The following MALT1 variants were observed in gnomAD, a reference collection of about 807,000 sequenced individuals.
MALT1 encodes MALT1 paracaspase.
MALT1 carries 36 observed loss-of-function variants against 85.5 expected under a neutral mutation model. The ratio of observed to expected loss-of-function variants is 0.42; its 90% CI spans 0.32 to 0.56. The LOEUF (loss-of-function observed/expected upper bound fraction) is 0.56, where lower values mean the gene tolerates loss of function less well. Among genes scored for constraint, MALT1 ranks in the 20% least tolerant of loss-of-function variants. The pLI is 0.10. For missense variants in MALT1, 716 were observed against 981.6 expected (o/e 0.73, Z 3.62); for synonymous variants, 359 against 361.3 (o/e 0.99, Z 0.07).
intron 3 of MALT1, among the ~76,000 whole-genome samples, chr18:58,698,780 C>T (rs551386049): frequency 1.3e-5 from 2 of 152,000 alleles, no homozygotes; most frequent in African/African-American, 4.8e-5. Flanking sequence ...GCCCTGTGAG[C>T]ATAATGGATG....
intron 1 of MALT1, among the ~76,000 whole-genome samples, chr18:58,678,702 C>G (rs9960564): frequency 6.6e-6 from 1 of 151,990 alleles, no homozygotes; most frequent in Admixed American, 6.6e-5. Flanking sequence ...TTGTATTTTA[C>G]GAATTGTAAA....
intron 2 of MALT1, among the ~76,000 whole-genome samples, chr18:58,693,983 T>C (rs1400197126): frequency 6.6e-6 from 1 of 152,260 alleles, no homozygotes; most frequent in African/African-American, 2.4e-5. Flanking sequence ...TCCTGGCAGA[T>C]GAATGGTAAA....
Position 58,721,322 on chromosome 18 carries a change from G to A in MALT1, c.1019-1726G>A, listed in dbSNP as rs147456183. ...TGAACCCGGGAGGCAGAAGGTTGCA[G>A]TGAGCTGAGATCATGCCATTGCACT... On this transcript the variant is annotated intron_variant, in intron 9 of 16. Coordinates refer to ENST00000649217, the MANE Select transcript of MALT1 (RefSeq NM_006785.4). 7.6e-3 allele frequency among the ~76,000 whole-genome samples: 1,160 copies of A among 152,324 alleles called. 22 individuals are homozygous for A. Among genetic ancestry groups the A allele is most frequent in the African/African-American group, 0.027 (1,123 of 41,570 alleles).
intron 8 of MALT1, among the ~76,000 whole-genome samples, chr18:58,714,791 GGAACCTGTGGATA>G (rs2144400888): frequency 2.1e-5 from 2 of 96,258 alleles, no homozygotes; most frequent in South Asian, 6.9e-4. Context: ...AGACAATGAT[GGAACCTGTGGATA>G]GATCTGAAAA....
At chr18:58,737,424 G>T (rs1383464674) in intron 13 of MALT1, among the ~76,000 whole-genome samples, 2 of 150,176 alleles carry the variant, frequency 1.3e-5, no homozygotes, top group Non-Finnish European at 2.9e-5. Flanking sequence ...TGAGACTGTA[G>T]TAAGTATGAC....
rs1602285367 is a variant in MALT1, at chr18:58,689,156, A to G, written c.377-7210A>G. Among the ~76,000 whole-genome samples, 4 of 147,774 alleles carry G rather than the reference A, an allele frequency of 2.7e-5. 1 individual carries two copies. Among genetic ancestry groups the G allele is most frequent in the Admixed American group, 6.6e-5 (1 of 15,092 alleles). On this transcript the variant is annotated intron_variant, in intron 2 of 16. Coordinates refer to ENST00000649217, the MANE Select transcript of MALT1 (RefSeq NM_006785.4). Reference sequence around the variant, plus strand: ...GACAGAGTGAGACCCTGTCTCAAAAAAACAAAAAGACAGAATCACTGAGAA... The same window carrying G: ...GACAGAGTGAGACCCTGTCTCAAAAGAACAAAAAGACAGAATCACTGAGAA...
intron 13 of MALT1, among the ~76,000 whole-genome samples, chr18:58,737,887 T>G (rs2055246981): frequency 1.3e-5 from 2 of 152,216 alleles, no homozygotes; most frequent in African/African-American, 2.4e-5. Context: ...CCGGCCCACC[T>G]TACCAATTTC....
chr18:58,716,479 A>G (rs1403811497), intron 9 of MALT1, among the ~76,000 whole-genome samples: 1 of 152,256 alleles, frequency 6.6e-6, no homozygotes, highest in Admixed American at 6.5e-5. Flanking sequence ...AAAGATGGTA[A>G]AAATAGCTAA....
intron 4 of MALT1, among the ~76,000 whole-genome samples, chr18:58,702,376 C>T (rs2054686259): frequency 6.6e-6 from 1 of 151,802 alleles, no homozygotes; most frequent in African/African-American, 2.4e-5. Flanking sequence ...ATAGCAAGAC[C>T]CTATCTCAAA....
intron 10 of MALT1, among the ~76,000 whole-genome samples, chr18:58,731,212 C>CA (rs1323910532): frequency 6.6e-6 from 1 of 152,204 alleles, no homozygotes; most frequent in African/African-American, 2.4e-5. Context: ...CTTGGCCTCC[C>CA]AAAGTGCTGG....
Position 58,750,711 on chromosome 18 carries a change from A to G in MALT1, c.*2869A>G, listed in dbSNP as rs966905446. 1 of 152,200 alleles carries G rather than the reference A, an allele frequency of 6.6e-6. No individual in the cohort carries two copies. The highest frequency in any genetic ancestry group is 6.5e-5 in the Admixed American group (1 of 15,282). 9.4% of individuals were successfully genotyped at this position (152,200 alleles called of 1,614,324 possible). On this transcript the variant is annotated 3_prime_UTR_variant, in exon 17 of 17. Transcript: ENST00000649217. The stretch of plus-strand genomic sequence containing the variant: ...ACAGCAAAAGGATCCCTACCTTCCT[A>G]CCACATTACAAATTCTAACTCAAAA...
intron 10 of MALT1, among the ~76,000 whole-genome samples, chr18:58,730,217 A>G (rs1277288909): frequency 6.6e-6 from 1 of 152,218 alleles, no homozygotes. Flanking sequence ...TGATTTCAGT[A>G]TCTTCACAAA....
intron 4 of MALT1, among the ~76,000 whole-genome samples, chr18:58,706,048 C>T (rs954296799): frequency 9.9e-5 from 15 of 151,892 alleles, no homozygotes; most frequent in Admixed American, 6.6e-5. Context: ...TGCAGTGGCA[C>T]GATCTCGGCT....
chr18:58,748,067 A>G lies in MALT1; in HGVS notation c.*225A>G, dbSNP rs913003202. The G allele has an allele frequency of 9.6e-6, 5 of 521,172 alleles. No homozygotes were observed. The Admixed American group carries it at 1.0e-4, about 11-fold the overall frequency. 32.3% of individuals were successfully genotyped at this position (521,172 alleles called of 1,614,324 possible). A position where few individuals can be genotyped will look rare whatever the true frequency, so the allele number is the denominator to read the frequency against. On this transcript the variant is annotated 3_prime_UTR_variant, in exon 17 of 17. Transcript: ENST00000649217. ...GAATTGGTTGAATAGTTCTATACAA[A>G]TGAAGTATGGAGGTGTGTATGTTTA...
rs1411051064 is a variant in MALT1, at chr18:58,751,412, G to C, written c.*3570G>C. Reference sequence around the variant, plus strand: ...GTATATTTGATTTTTTTTTTTTTAAGACAGAGTCCTGGCTCTGTCGCCCAG... The same window carrying C: ...GTATATTTGATTTTTTTTTTTTTAACACAGAGTCCTGGCTCTGTCGCCCAG... On this transcript the variant is annotated 3_prime_UTR_variant, in exon 17 of 17. Coordinates refer to ENST00000649217, the MANE Select transcript of MALT1 (RefSeq NM_006785.4). 3.0e-4 allele frequency: 45 copies of C among 148,442 alleles called. 2 individuals carry two copies. Among genetic ancestry groups the C allele is most frequent in the Admixed American group, 2.9e-3 (43 of 14,760 alleles). 9.2% of individuals were successfully genotyped at this position (148,442 alleles called of 1,614,324 possible).
intron 13 of MALT1, 26 bp from the exon 14 acceptor site, chr18:58,741,839 A>G: frequency 7.1e-7 from 1 of 1,407,778 alleles, no homozygotes; most frequent in Non-Finnish European, 9.6e-7. Context: ...GGTCTTAAAA[A>G]TAATATTTAT....
chr18:58,719,953 T>C (rs767841791), intron 9 of MALT1, among the ~76,000 whole-genome samples: 2 of 152,230 alleles, frequency 1.3e-5, no homozygotes, highest in Non-Finnish European at 2.9e-5. Flanking sequence ...GAATATTAAC[T>C]CTATTTAGAA....
At chr18:58,740,599 A>T (rs1034604236) in intron 13 of MALT1, among the ~76,000 whole-genome samples, 1 of 151,568 alleles carries the variant, frequency 6.6e-6, no homozygotes, top group African/African-American at 2.4e-5. Context: ...TTTTATTTCT[A>T]CCTTAATTGC....
In MALT1 at chr18:58,750,079, A is replaced by C. The variant is rs1017854089; in HGVS notation, c.*2237A>C. ...AACTATATGTATTCACAGTTGATAC[A>C]TAGTTGTATATAGAAAATGCTAAAG... On this transcript the variant is annotated 3_prime_UTR_variant, in exon 17 of 17. Coordinates refer to ENST00000649217, the MANE Select transcript of MALT1 (RefSeq NM_006785.4). 2.6e-5 allele frequency: 5 copies of C among 188,916 alleles called. No individual in the cohort carries two copies. Among genetic ancestry groups the C allele is most frequent in the African/African-American group, 1.2e-4 (5 of 42,940 alleles). The allele number at this position is 188,916 out of a possible 1,614,324, so 11.7% of individuals were successfully genotyped here.
Sources: gnomAD v4.1 joint callset for allele counts (sites outside exome capture counted in the v4.1 genomes callset) on GRCh38, gnomAD v4.1.1 for gene constraint, MANE v1.5 for transcripts, NCBI Gene and HGNC (gene_info 2026-07-23, HGNC 2026-07-21) for gene names.